Variants in ZNF385B observed in about 807,000 individuals in gnomAD.
The protein encoded by ZNF385B is zinc finger protein 385B.
A neutral mutation model predicts 39.2 loss-of-function variants in ZNF385B; 23 were observed. That is an observed-to-expected ratio of 0.59 (90% CI 0.42 to 0.83). ZNF385B has a LOEUF of 0.83. Ranked by LOEUF, ZNF385B falls within the 40% of genes least tolerant of loss-of-function variation. The pLI is 0.00. For synonymous variants in ZNF385B, 205 were observed against 222.6 expected, an observed-to-expected ratio of 0.92 and a Z score of 0.70; for missense variants, 552 against 598.9, an observed-to-expected ratio of 0.92 and a Z score of 0.82.
Position 179,703,887 on chromosome 2 carries a change from C to T in ZNF385B, c.298+65616G>A, listed in dbSNP as rs543127747. On this transcript the variant is annotated intron_variant, in intron 3 of 9. Coordinates refer to ENST00000410066, the MANE Select transcript of ZNF385B (RefSeq NM_152520.6). ...GGTATTAATGGGCACTTAAGCAGGGCTCCTGACCACAGTAGCAGGTGTGGA... is the reference window on the plus strand; with the variant it reads ...GGTATTAATGGGCACTTAAGCAGGGTTCCTGACCACAGTAGCAGGTGTGGA... Among the ~76,000 whole-genome samples the T allele has an allele frequency of 7.2e-5, 11 of 152,274 alleles. No homozygotes were observed. In the South Asian group the frequency reaches 2.3e-3, roughly 32 times the overall value.
At chr2:179,719,815 C>G (rs893308403) in intron 3 of ZNF385B, among the ~76,000 whole-genome samples, 23 of 152,154 alleles carry the variant, frequency 1.5e-4, no homozygotes, top group African/African-American at 5.3e-4. Context: ...GCAGGCTACT[C>G]TACATAAGGA....
chr2:179,766,938 C>T (rs1308849337), intron 3 of ZNF385B, among the ~76,000 whole-genome samples: 1 of 151,242 alleles, frequency 6.6e-6, no homozygotes, highest in Non-Finnish European at 1.5e-5. Flanking sequence ...AAAGAAAAGC[C>T]CCCCGCAGTC....
At chr2:179,643,251 T>G (rs536160127) in intron 3 of ZNF385B, among the ~76,000 whole-genome samples, 143 of 152,256 alleles carry the variant, frequency 9.4e-4, no homozygotes, top group Middle Eastern at 3.4e-3. Flanking sequence ...ATGTCAATAA[T>G]GTGATTGTTT....
intron 3 of ZNF385B, among the ~76,000 whole-genome samples, chr2:179,600,847 T>G (rs1237181931): frequency 2.0e-5 from 3 of 152,170 alleles, no homozygotes; most frequent in Non-Finnish European, 4.4e-5. Flanking sequence ...TTCCCAGAAT[T>G]ATATTACTCT....
chr2:179,820,943 A>C (rs1707362115), intron 1 of ZNF385B, among the ~76,000 whole-genome samples: 1 of 152,138 alleles, frequency 6.6e-6, no homozygotes, highest in Non-Finnish European at 1.5e-5. Flanking sequence ...TGCCACATTT[A>C]TTTTTCATAT....
At chr2:179,756,622 A>G (rs1037582597) in intron 3 of ZNF385B, among the ~76,000 whole-genome samples, 1 of 152,138 alleles carries the variant, frequency 6.6e-6, no homozygotes, top group African/African-American at 2.4e-5. Flanking sequence ...ACACCAATCA[A>G]ACGTAGATTT....
intron 5 of ZNF385B, among the ~76,000 whole-genome samples, chr2:179,497,851 T>A (rs1405317076): frequency 1.3e-5 from 2 of 151,980 alleles, no homozygotes; most frequent in Non-Finnish European, 2.9e-5. Flanking sequence ...ACACACAGAT[T>A]GAAAATTAAG....
At chr2:179,844,252 TA>T (rs1003822402) in intron 1 of ZNF385B, among the ~76,000 whole-genome samples, 1 of 151,980 alleles carries the variant, frequency 6.6e-6, no homozygotes, top group Non-Finnish European at 1.5e-5. Flanking sequence ...TCTTCATCTG[TA>T]AAAAAAATAG....
intron 3 of ZNF385B, among the ~76,000 whole-genome samples, chr2:179,623,908 T>C (rs571401628): frequency 1.1e-4 from 17 of 152,192 alleles, no homozygotes; most frequent in Admixed American, 2.0e-4. Flanking sequence ...AAAAGAGTTG[T>C]TAGACTTAAA....
chr2:179,623,241 G>A (rs887328002), intron 3 of ZNF385B, among the ~76,000 whole-genome samples: 2 of 151,768 alleles, frequency 1.3e-5, no homozygotes, highest in African/African-American at 2.4e-5. Context: ...GTAAATGAAA[G>A]CTTGAGAGGA....
chr2:179,643,339 A>G (rs1320409850), intron 3 of ZNF385B, among the ~76,000 whole-genome samples: 2 of 152,168 alleles, frequency 1.3e-5, no homozygotes, highest in Non-Finnish European at 2.9e-5. Flanking sequence ...CAAATGATCA[A>G]TGCAAGAAAT....
chr2:179,477,494 G>C (rs1238109804), intron 6 of ZNF385B, among the ~76,000 whole-genome samples: 1 of 152,094 alleles, frequency 6.6e-6, no homozygotes, highest in Non-Finnish European at 1.5e-5. Context: ...TCTCCATAGG[G>C]CATGGGTGTG....
intron 1 of ZNF385B, among the ~76,000 whole-genome samples, chr2:179,818,093 T>C (rs1707182076): frequency 6.6e-6 from 1 of 152,140 alleles, no homozygotes; most frequent in Non-Finnish European, 1.5e-5. Flanking sequence ...ATGTTGTGTG[T>C]GTCAGCCCAA....
At chr2:179,557,812 T>G (rs2061046343) in intron 3 of ZNF385B, among the ~76,000 whole-genome samples, 1 of 152,050 alleles carries the variant, frequency 6.6e-6, no homozygotes. Flanking sequence ...CTGCTAATGA[T>G]CCTGTTGCCC....
intron 3 of ZNF385B, among the ~76,000 whole-genome samples, chr2:179,567,168 G>A (rs1233879893): frequency 6.6e-6 from 1 of 152,034 alleles, no homozygotes; most frequent in Non-Finnish European, 1.5e-5. Flanking sequence ...ACCTGCCTTG[G>A]CCTCCCAAAT....
chr2:179,594,219 T>C (rs1440533117), intron 3 of ZNF385B, among the ~76,000 whole-genome samples: 2 of 152,350 alleles, frequency 1.3e-5, no homozygotes, highest in East Asian at 1.9e-4. Flanking sequence ...TAATTTGTTA[T>C]TGTTATACAG....
intron 3 of ZNF385B, among the ~76,000 whole-genome samples, chr2:179,592,092 A>G (rs1687613233): frequency 6.6e-6 from 1 of 152,198 alleles, no homozygotes; most frequent in Admixed American, 6.5e-5. Context: ...TCCATTTATG[A>G]AGAATAAATA....
In ZNF385B at chr2:179,534,486, C is replaced by T. The variant is rs955887584; in HGVS notation, c.441+10341G>A. ...TTTTTTCACAGCCTCTCATTAAATT[C>T]CAAAAATTTTCTAAATATTCAGTCA... On this transcript the variant is annotated intron_variant, in intron 4 of 9. Transcript: ENST00000410066. 2.0e-5 allele frequency among the ~76,000 whole-genome samples: 3 copies of T among 151,952 alleles called. No homozygotes were observed. In the East Asian group the frequency reaches 5.8e-4, roughly 29 times the overall value.
intron 5 of ZNF385B, 56 bp from the exon 6 acceptor site, chr2:179,483,490 G>C: frequency 6.2e-7 from 1 of 1,604,574 alleles, no homozygotes. Context: ...CACCACAGTG[G>C]ATGATCATGC....
Sources: gnomAD v4.1 joint callset for allele counts (sites outside exome capture counted in the v4.1 genomes callset) on GRCh38, gnomAD v4.1.1 for gene constraint, MANE v1.5 for transcripts, NCBI Gene and HGNC (gene_info 2026-07-23, HGNC 2026-07-21) for gene names.